DLGAP1: variants seen among roughly 807,000 people sequenced by gnomAD.
DLGAP1 encodes disks large-associated protein 1.
DLGAP1 carries 11 observed loss-of-function variants against 90.8 expected under a neutral mutation model. The ratio of observed to expected loss-of-function variants is 0.12; its 90% CI spans 0.08 to 0.20. The LOEUF is 0.20. Among genes scored for constraint, DLGAP1 ranks in the 10% least tolerant of loss-of-function variants. DLGAP1 has a pLI of 1.00. For synonymous variants in DLGAP1, 558 were observed against 540.7 expected, an observed-to-expected ratio of 1.03 and a Z score of -0.44; for missense variants, 1,050 against 1,333.8, an observed-to-expected ratio of 0.79 and a Z score of 3.31.
intron 1 of DLGAP1, among the ~76,000 whole-genome samples, chr18:4,433,019 C>T (rs2083323250): frequency 6.6e-6 from 1 of 152,156 alleles, no homozygotes. Context: ...AATTTTTCAG[C>T]AGCCACATAA....
intron 2 of DLGAP1, among the ~76,000 whole-genome samples, chr18:4,107,056 A>G (rs1444340995): frequency 6.6e-6 from 1 of 152,252 alleles, no homozygotes; most frequent in Non-Finnish European, 1.5e-5. Context: ...TCTGAAAGAG[A>G]AAGAAAGCCA....
At chr18:3,536,397 T>C (rs2052382614) in intron 9 of DLGAP1, among the ~76,000 whole-genome samples, 2 of 151,990 alleles carry the variant, frequency 1.3e-5, no homozygotes, top group African/African-American at 4.8e-5. Flanking sequence ...CTAATTTTTG[T>C]ATTTTTAGTA....
intron 7 of DLGAP1, among the ~76,000 whole-genome samples, chr18:3,668,735 C>G (rs180887826): frequency 1.3e-5 from 2 of 152,162 alleles, no homozygotes; most frequent in Non-Finnish European, 2.9e-5. Flanking sequence ...CACTGGCTCA[C>G]GCATGGAATC....
At chr18:4,171,163 T>C (rs1171641858) in intron 1 of DLGAP1, among the ~76,000 whole-genome samples, 1 of 152,166 alleles carries the variant, frequency 6.6e-6, no homozygotes, top group Non-Finnish European at 1.5e-5. Flanking sequence ...AAAAGTACGA[T>C]ATAAATAATT....
intron 7 of DLGAP1, among the ~76,000 whole-genome samples, chr18:3,703,206 C>T (rs868395575): frequency 1.3e-5 from 2 of 152,226 alleles, no homozygotes; most frequent in African/African-American, 2.4e-5. Flanking sequence ...TCAGGATCAC[C>T]GGATATAGCT....
At chr18:3,561,296 A>G (rs1304283921) in intron 9 of DLGAP1, among the ~76,000 whole-genome samples, 1 of 148,492 alleles carries the variant, frequency 6.7e-6, no homozygotes, top group Non-Finnish European at 1.5e-5. Flanking sequence ...AAAAATAGCC[A>G]GATGTGGCAG....
chr18:4,044,480 C>T (rs553047554), intron 2 of DLGAP1, among the ~76,000 whole-genome samples: 9 of 152,310 alleles, frequency 5.9e-5, no homozygotes, highest in East Asian at 1.9e-4. Flanking sequence ...TGGTGGCTCA[C>T]GCCTGTAATC....
chr18:4,291,051 G>T (rs1184068946), intron 1 of DLGAP1, among the ~76,000 whole-genome samples: 1 of 152,118 alleles, frequency 6.6e-6, no homozygotes, highest in Non-Finnish European at 1.5e-5. Context: ...TAGAATCTAG[G>T]TTTCATTTTC....
chr18:4,089,784 G>A (rs1036521650), intron 2 of DLGAP1, among the ~76,000 whole-genome samples: 7 of 152,178 alleles, frequency 4.6e-5, no homozygotes, highest in South Asian at 2.1e-4. Flanking sequence ...GGTGGCTCAC[G>A]CCTGTAGTCC....
chr18:4,046,392 TG>T, intron 2 of DLGAP1, among the ~76,000 whole-genome samples: 1 of 152,390 alleles, frequency 6.6e-6, no homozygotes, highest in South Asian at 2.1e-4. Flanking sequence ...ATAGGCCTTC[TG>T]TTCCTGGCCT....
intron 9 of DLGAP1, among the ~76,000 whole-genome samples, chr18:3,539,694 C>T (rs2052574636): frequency 6.6e-6 from 1 of 152,196 alleles, no homozygotes; most frequent in Non-Finnish European, 1.5e-5. Flanking sequence ...GTCCCCCTGT[C>T]TGATAGAGTT....
chr18:3,985,130 G>A (rs1014431504), intron 3 of DLGAP1, among the ~76,000 whole-genome samples: 10 of 152,068 alleles, frequency 6.6e-5, no homozygotes, highest in African/African-American at 2.4e-4. Context: ...ACATGCATCT[G>A]CCTCCTTGAG....
At chr18:4,007,427 G>A (rs1261233915) in intron 2 of DLGAP1, among the ~76,000 whole-genome samples, 1 of 152,160 alleles carries the variant, frequency 6.6e-6, no homozygotes, top group Non-Finnish European at 1.5e-5. Flanking sequence ...GGCAGAGGCC[G>A]GCAGATTACC....
At chr18:3,867,942 T>C (rs2070504789) in intron 4 of DLGAP1, among the ~76,000 whole-genome samples, 1 of 152,164 alleles carries the variant, frequency 6.6e-6, no homozygotes, top group Non-Finnish European at 1.5e-5. Context: ...GTAACTCAAA[T>C]ATGGCAAAGC....
chr18:4,105,796 C>A (rs1021386400), intron 2 of DLGAP1, among the ~76,000 whole-genome samples: 1 of 151,832 alleles, frequency 6.6e-6, no homozygotes, highest in Non-Finnish European at 1.5e-5. Context: ...TTTGGGAGGC[C>A]GAGGTGGGCG....
chr18:4,311,729 A>G (rs1223488823), intron 1 of DLGAP1, among the ~76,000 whole-genome samples: 1 of 152,004 alleles, frequency 6.6e-6, no homozygotes, highest in Admixed American at 6.6e-5. Context: ...ATATATATGT[A>G]TTTTGAGACA....
At chr18:3,570,056 T>A (rs1177705586) in intron 8 of DLGAP1, among the ~76,000 whole-genome samples, 1 of 151,964 alleles carries the variant, frequency 6.6e-6, no homozygotes, top group Non-Finnish European at 1.5e-5. Flanking sequence ...GCTGTACAGG[T>A]TTATAGCCTA....
intron 8 of DLGAP1, among the ~76,000 whole-genome samples, chr18:3,575,454 G>A (rs200212001): frequency 1.3e-5 from 2 of 152,072 alleles, no homozygotes; most frequent in East Asian, 1.9e-4. Flanking sequence ...GGAAGTAGAG[G>A]GGTCAGGGCC....
chr18:3,818,742 C>T lies in DLGAP1; in HGVS notation c.958-4469G>A, dbSNP rs111733602. Among the ~76,000 whole-genome samples the T allele has an allele frequency of 1.5e-3, 227 of 150,764 alleles. 1 individual carries two copies. The highest frequency in any genetic ancestry group is 5.1e-3 in the African/African-American group (209 of 41,012). On this transcript the variant is annotated intron_variant, in intron 4 of 12. Coordinates refer to ENST00000315677, the MANE Select transcript of DLGAP1 (RefSeq NM_004746.4). ...TCCCTAGTAGATGGGACTACAGATG[C>T]CCGCCACCATGCCTGGCTAATTTTT...
Sources: allele counts gnomAD v4.1 joint callset (sites outside exome capture counted in the v4.1 genomes callset), GRCh38; gene constraint gnomAD v4.1.1; transcripts MANE v1.5; gene names NCBI Gene and HGNC (gene_info 2026-07-23, HGNC 2026-07-21).